The following MSRA variants were observed in gnomAD, a reference collection of about 807,000 sequenced individuals.
MSRA encodes the protein mitochondrial peptide methionine sulfoxide reductase.
A neutral mutation model predicts 31.3 loss-of-function variants in MSRA; 54 were observed. That is an observed-to-expected ratio of 1.73 (90% CI 1.39 to 2.17). The LOEUF is 2.17. Ranked by LOEUF, MSRA falls within the 30% of genes most tolerant of loss-of-function variation. The pLI is 0.00. For synonymous variants in MSRA, 169 were observed against 116.5 expected (o/e 1.45, Z -2.90); for missense variants, 507 against 300.9 (o/e 1.69, Z -5.07).
chr8:10,095,889 G>C, intron 1 of MSRA: 2 of 1,291,928 alleles, frequency 1.5e-6, no homozygotes, highest in Non-Finnish European at 2.0e-6. Flanking sequence ...TTGCATGTAT[G>C]ATTATACCAT....
chr8:10,220,763 A>C (rs916456489), intron 2 of MSRA, among the ~76,000 whole-genome samples: 1 of 152,196 alleles, frequency 6.6e-6, no homozygotes, highest in Admixed American at 6.5e-5. Context: ...TTCTTTCACC[A>C]GCATTCTGTT....
chr8:10,079,243 C>T (rs814418), intron 1 of MSRA, among the ~76,000 whole-genome samples: 16,086 of 152,032 alleles, frequency 0.11, 982 homozygotes, highest in Admixed American at 0.2. Context: ...ACTGCAGCCT[C>T]GACATCCTGG....
intron 5 of MSRA, among the ~76,000 whole-genome samples, chr8:10,339,708 AT>A (rs1300810539): frequency 6.7e-6 from 1 of 149,630 alleles, no homozygotes; most frequent in African/African-American, 2.5e-5. Context: ...CGCCCGGCTA[AT>A]TTTTTGTATT....
At chr8:10,428,068 C>T (rs1809295472) in intron 5 of MSRA, 80 bp from the exon 6 acceptor site, 2 of 1,489,282 alleles carry the variant, frequency 1.3e-6, no homozygotes, top group Non-Finnish European at 1.8e-6. Flanking sequence ...CTCACTGCAG[C>T]CCTGGCCCCT....
At chr8:10,172,550 G>C (rs557535069) in intron 1 of MSRA, among the ~76,000 whole-genome samples, 4 of 152,164 alleles carry the variant, frequency 2.6e-5, no homozygotes, top group Non-Finnish European at 5.9e-5. Context: ...ATGCCAATTA[G>C]ACCAGTAATG....
intron 3 of MSRA, among the ~76,000 whole-genome samples, chr8:10,249,389 G>A (rs1232987217): frequency 1.3e-5 from 2 of 152,078 alleles, no homozygotes; most frequent in Middle Eastern, 3.2e-3. Context: ...AGTTTTGGTC[G>A]GACCTCCATG....
At chr8:10,201,701 T>A (rs1302547900) in intron 1 of MSRA, among the ~76,000 whole-genome samples, 1 of 152,246 alleles carries the variant, frequency 6.6e-6, no homozygotes. Context: ...AGTATCATCT[T>A]CTTAAGCTTT....
At chr8:10,403,011 T>G (rs765365538) in intron 5 of MSRA, among the ~76,000 whole-genome samples, 8 of 152,142 alleles carry the variant, frequency 5.3e-5, no homozygotes, top group Non-Finnish European at 1.0e-4. Context: ...CAACCAGAAG[T>G]TATGTAGCCA....
chr8:10,287,598 C>T (rs181458510), intron 3 of MSRA, among the ~76,000 whole-genome samples: 6 of 152,242 alleles, frequency 3.9e-5, no homozygotes, highest in East Asian at 1.9e-4. Flanking sequence ...AGACACACAC[C>T]GTTCTCATGC....
intron 1 of MSRA, among the ~76,000 whole-genome samples, chr8:10,190,772 G>C (rs1286606285): frequency 2.0e-5 from 3 of 152,248 alleles, no homozygotes; most frequent in Non-Finnish European, 4.4e-5. Context: ...GTGACCTATG[G>C]TTTTTGTCAT....
chr8:10,254,458 T>A (rs900343728), intron 3 of MSRA, among the ~76,000 whole-genome samples: 7 of 152,230 alleles, frequency 4.6e-5, no homozygotes, highest in South Asian at 2.1e-4. Flanking sequence ...ATAATACCCA[T>A]CTTAGGTTTA....
At chr8:10,207,686 A>C (rs536967242) in intron 1 of MSRA, 147 bp from the exon 2 acceptor site, 1 of 639,932 alleles carries the variant, frequency 1.6e-6, no homozygotes, top group Admixed American at 3.1e-5. Context: ...GATGAAAAAC[A>C]AAATAATTGA....
intron 5 of MSRA, among the ~76,000 whole-genome samples, chr8:10,346,256 A>G (rs945790206): frequency 1.3e-5 from 2 of 152,138 alleles, no homozygotes; most frequent in Non-Finnish European, 2.9e-5. Context: ...AGTCCTGAAA[A>G]TATGGGAGTA....
In MSRA at chr8:10,317,200, T is replaced by C. The variant is rs141281909; in HGVS notation, c.437-2683T>C. ...AGGCGTTGTTCCTGACTTGTCCTGATGTTCACTGTCAGCCGGTAACTCCTG... is the reference window on the plus strand; with the variant it reads ...AGGCGTTGTTCCTGACTTGTCCTGACGTTCACTGTCAGCCGGTAACTCCTG... On this transcript the variant is annotated intron_variant, in intron 4 of 5. Coordinates refer to ENST00000317173, the MANE Select transcript of MSRA (RefSeq NM_012331.5). 6.8e-3 allele frequency among the ~76,000 whole-genome samples: 1,032 copies of C among 152,312 alleles called. 60 individuals carry two copies. Among genetic ancestry groups the C allele is most frequent in the Admixed American group, 0.062 (955 of 15,306 alleles).
chr8:10,288,935 C>T (rs995416098), intron 3 of MSRA, among the ~76,000 whole-genome samples: 2 of 151,594 alleles, frequency 1.3e-5, no homozygotes, highest in African/African-American at 4.8e-5. Flanking sequence ...ATGGTGCAAG[C>T]AGCCACGGTG....
chr8:10,121,029 A>T (rs943058381), intron 1 of MSRA, among the ~76,000 whole-genome samples: 2 of 152,194 alleles, frequency 1.3e-5, no homozygotes, highest in African/African-American at 4.8e-5. Flanking sequence ...ATTAAGTCAA[A>T]CATTTCAGAA....
At chr8:10,204,758 A>G (rs935253325) in intron 1 of MSRA, among the ~76,000 whole-genome samples, 2 of 152,230 alleles carry the variant, frequency 1.3e-5, no homozygotes, top group Non-Finnish European at 2.9e-5. Context: ...ATCTTTCATA[A>G]TGGCTAAAGA....
chr8:10,316,524 A>G (rs1307746648), intron 4 of MSRA, among the ~76,000 whole-genome samples: 1 of 65,352 alleles, frequency 1.5e-5, no homozygotes, highest in Non-Finnish European at 3.2e-5. Flanking sequence ...TACTTTGATG[A>G]TCCCTCTCTC....
At chr8:10,127,744 A>G (rs943720511) in intron 1 of MSRA, among the ~76,000 whole-genome samples, 39 of 152,358 alleles carry the variant, frequency 2.6e-4, no homozygotes, top group Admixed American at 3.3e-4. Flanking sequence ...GTTGTGGTTA[A>G]GTAGAAGAAA....
Sources: gnomAD v4.1 joint callset for allele counts (sites outside exome capture counted in the v4.1 genomes callset) on GRCh38, gnomAD v4.1.1 for gene constraint, MANE v1.5 for transcripts, NCBI Gene and HGNC (gene_info 2026-07-23, HGNC 2026-07-21) for gene names.